Variants in COL13A1 observed in about 807,000 individuals in gnomAD.
COL13A1 encodes the protein collagen type XIII alpha 1 chain.
A neutral mutation model predicts 130.9 loss-of-function variants in COL13A1; 89 were observed. The ratio of observed to expected loss-of-function variants is 0.68; its 90% CI spans 0.57 to 0.81. The LOEUF (loss-of-function observed/expected upper bound fraction) is 0.81, where lower values mean the gene tolerates loss of function less well. Ranked by LOEUF, COL13A1 falls within the 30% of genes least tolerant of loss-of-function variation. The pLI is 0.00. For missense variants in COL13A1, 879 were observed against 934.6 expected (o/e 0.94, Z 0.78); for synonymous variants, 402 against 341.6 (o/e 1.18, Z -1.95).
intron 10 of COL13A1, 21 bp from the exon 11 acceptor site, chr10:69,894,529 CTG>C: frequency 6.2e-7 from 1 of 1,613,636 alleles, no homozygotes; most frequent in South Asian, 1.1e-5. Context: ...GCCCACTGAC[CTG>C]TGTGTGTTTG....
At chr10:69,872,601 A>G (rs939318585) in intron 4 of COL13A1, among the ~76,000 whole-genome samples, 4 of 152,180 alleles carry the variant, frequency 2.6e-5, no homozygotes, top group African/African-American at 9.7e-5. Context: ...TGTTCCTCCT[A>G]TGCCTGCTGA....
chr10:69,957,311 C>A (rs1158237128), intron 40 of COL13A1, among the ~76,000 whole-genome samples: 1 of 152,238 alleles, frequency 6.6e-6, no homozygotes, highest in East Asian at 1.9e-4. Context: ...GTTCAATGTA[C>A]ATAGTGTCTT....
chr10:69,866,420 C>T (rs2058522539), intron 2 of COL13A1, among the ~76,000 whole-genome samples: 2 of 152,218 alleles, frequency 1.3e-5, no homozygotes, highest in South Asian at 4.1e-4. Context: ...TTGTCACCAG[C>T]CTGCTTCTCA....
intron 2 of COL13A1, among the ~76,000 whole-genome samples, chr10:69,857,816 A>AT (rs1044651609): frequency 2.0e-5 from 3 of 152,358 alleles, no homozygotes; most frequent in African/African-American, 7.2e-5. Context: ...CCTGTGAAGC[A>AT]TTAAGACTGG....
At chr10:69,848,420 A>G (rs1019145925) in intron 2 of COL13A1, among the ~76,000 whole-genome samples, 24 of 152,198 alleles carry the variant, frequency 1.6e-4, no homozygotes, top group African/African-American at 5.8e-4. Flanking sequence ...TCCACTTTAT[A>G]AAGAGACTGA....
In COL13A1 at chr10:69,802,618, G is replaced by C. The variant is rs765091153; in HGVS notation, c.195G>C (p.Thr65=). 6.2e-7 allele frequency: 1 copy of C among 1,613,146 alleles called. No homozygotes were observed. ...TCAGCCTGCTCGCCCACTTTCGGACGGCCGAGCTGCAGGCCCGGGTGCTGC... is the reference window on the plus strand; with the variant it reads ...TCAGCCTGCTCGCCCACTTTCGGACCGCCGAGCTGCAGGCCCGGGTGCTGC... The part of the protein sequence containing the change: ...LALSLLAHFR[T]AELQARVLRL... Residue 65 remains threonine, a synonymous_variant, in exon 1 of 41, where the codon ACG becomes ACC. Coordinates refer to ENST00000645393, the MANE Select transcript of COL13A1 (RefSeq NM_001368882.1).
At chr10:69,835,986 A>C (rs1005385856) in intron 2 of COL13A1, among the ~76,000 whole-genome samples, 2 of 152,244 alleles carry the variant, frequency 1.3e-5, no homozygotes, top group African/African-American at 4.8e-5. Flanking sequence ...GAAGTTCTGT[A>C]ACGGGGCCAA....
intron 2 of COL13A1, among the ~76,000 whole-genome samples, chr10:69,857,521 T>G (rs1856774123): frequency 6.6e-6 from 1 of 152,200 alleles, no homozygotes; most frequent in Non-Finnish European, 1.5e-5. Flanking sequence ...GCATTAGATC[T>G]TCACAGGAGT....
At chr10:69,804,835 A>AAAAAAAAAAAAAAAAAAAC (rs1841081336) in intron 1 of COL13A1, among the ~76,000 whole-genome samples, 1 of 143,496 alleles carries the variant, frequency 7.0e-6, no homozygotes, top group Non-Finnish European at 1.5e-5. Flanking sequence ...AAAAAAAAAA[A>AAAAAAAAAAAAAAAAAAAC]AAAAAAAGCT....
chr10:69,903,107 C>G (rs56055334), intron 15 of COL13A1, among the ~76,000 whole-genome samples: 2 of 152,212 alleles, frequency 1.3e-5, no homozygotes, highest in East Asian at 1.9e-4. Context: ...CTGCCTGCCC[C>G]GTTCCCAGCC....
intron 33 of COL13A1, 112 bp from the exon 34 acceptor site, chr10:69,937,523 G>T: frequency 1.6e-6 from 1 of 632,922 alleles, no homozygotes; most frequent in South Asian, 1.9e-5. Context: ...CTGCCACCCT[G>T]ACCCCTCCTT....
intron 39 of COL13A1, among the ~76,000 whole-genome samples, chr10:69,954,183 C>A (rs1399323920): frequency 6.6e-6 from 1 of 152,196 alleles, no homozygotes; most frequent in Non-Finnish European, 1.5e-5. Flanking sequence ...AGGGTCACCC[C>A]GCCTAGGCTA....
intron 39 of COL13A1, chr10:69,956,170 T>C (rs1472459519): frequency 1.3e-5 from 2 of 152,250 alleles, no homozygotes; most frequent in East Asian, 3.9e-4. Context: ...AGCCTCGCCT[T>C]CCCCACTGGG....
chr10:69,918,230 T>TGCTGCCCCCTC (rs1325157666), intron 18 of COL13A1, 55 bp from the exon 19 acceptor site: 3 of 1,567,110 alleles, frequency 1.9e-6, no homozygotes, highest in African/African-American at 2.7e-5. Flanking sequence ...CCCCGCCCCC[T>TGCTGCCCCCTC]GCTGCCCCCT....
intron 2 of COL13A1, among the ~76,000 whole-genome samples, chr10:69,833,898 G>A (rs147231512): frequency 1.1e-3 from 166 of 152,236 alleles, no homozygotes; most frequent in African/African-American, 3.8e-3. Context: ...GAGGGAGTTG[G>A]ACACCACCCT....
intron 4 of COL13A1, among the ~76,000 whole-genome samples, chr10:69,874,588 G>A (rs929960808): frequency 1.3e-5 from 2 of 152,192 alleles, no homozygotes; most frequent in Non-Finnish European, 2.9e-5. Flanking sequence ...TACTGGAGGT[G>A]GCCGAGAGGA....
chr10:69,939,110 G>A (rs1486793675), intron 34 of COL13A1, among the ~76,000 whole-genome samples: 1 of 152,184 alleles, frequency 6.6e-6, no homozygotes, highest in African/African-American at 2.4e-5. Flanking sequence ...GTACAGAGAA[G>A]TATTTTTTTT....
At chr10:69,951,216 G>C (rs529479622) in intron 38 of COL13A1, among the ~76,000 whole-genome samples, 2 of 152,128 alleles carry the variant, frequency 1.3e-5, no homozygotes, top group Non-Finnish European at 2.9e-5. Context: ...TGCAGGAACA[G>C]TGCACATGAC....
At position 69,941,499 on chromosome 10, in the gene COL13A1, T is replaced by C. The variant is rs147974644; in HGVS notation, c.1914+476T>C. On this transcript the variant is annotated intron_variant, in intron 35 of 40. Coordinates refer to ENST00000645393, the MANE Select transcript of COL13A1 (RefSeq NM_001368882.1). ...AGCCACCAGTCTGGTATATGTGGGGTAGGACAGCTTTGAAGGCTGAGGACA... is the reference window on the plus strand; with the variant it reads ...AGCCACCAGTCTGGTATATGTGGGGCAGGACAGCTTTGAAGGCTGAGGACA... Among the ~76,000 whole-genome samples, 1,290 of 152,222 alleles carry C rather than the reference T, an allele frequency of 8.5e-3. 22 individuals carry two copies. The highest frequency in any genetic ancestry group is 0.029 in the African/African-American group (1,219 of 41,534).
Sources: allele counts gnomAD v4.1 joint callset (sites outside exome capture counted in the v4.1 genomes callset), GRCh38; gene constraint gnomAD v4.1.1; transcripts MANE v1.5; gene names NCBI Gene and HGNC (gene_info 2026-07-23, HGNC 2026-07-21).